TANK: variants seen among roughly 807,000 people sequenced by gnomAD.
The protein encoded by TANK is TRAF family member-associated NF-kappa-B activator.
TANK carries 15 observed loss-of-function variants against 43.6 expected under a neutral mutation model. The observed-to-expected ratio is 0.34, with a 90% confidence interval of 0.23 to 0.53. TANK has a LOEUF of 0.53. Ranked by LOEUF, TANK falls within the 20% of genes least tolerant of loss-of-function variation. The pLI is 0.94. For missense variants in TANK, 417 were observed against 498.6 expected (o/e 0.84, Z 1.56); for synonymous variants, 162 against 178.2 (o/e 0.91, Z 0.73).
intron 4 of TANK, among the ~76,000 whole-genome samples, chr2:161,206,231 G>A (rs1028515740): frequency 1.3e-5 from 2 of 151,964 alleles, no homozygotes; most frequent in Non-Finnish European, 2.9e-5. Flanking sequence ...TGTTCTCCAT[G>A]TTTTCATAAG....
upstream of TANK, chr2:161,160,094 A>C: frequency 4.0e-6 from 1 of 249,128 alleles, no homozygotes. Context: ...TAACTCATAT[A>C]TAGGGTGATG....
intron 1 of TANK, among the ~76,000 whole-genome samples, chr2:161,148,674 G>A (rs781752695): frequency 5.0e-4 from 76 of 152,064 alleles, no homozygotes; most frequent in Non-Finnish European, 8.2e-4. Flanking sequence ...GTAATTGATC[G>A]ATTGGGAGTT....
At chr2:161,230,049 T>A (rs1203134812) in intron 6 of TANK, among the ~76,000 whole-genome samples, 7 of 152,244 alleles carry the variant, frequency 4.6e-5, no homozygotes, top group African/African-American at 1.7e-4. Flanking sequence ...CTTTTAGCTC[T>A]TGTTGATATC....
intron 2 of TANK, chr2:161,201,043 T>G (rs1686384968): frequency 1.1e-6 from 1 of 940,934 alleles, no homozygotes; most frequent in Non-Finnish European, 1.3e-6. Flanking sequence ...AATCAGACAT[T>G]AGACAATTAG....
chr2:161,179,534 A>G (rs955013537), intron 1 of TANK, 80 bp from the exon 2 acceptor site: 6 of 1,287,256 alleles, frequency 4.7e-6, no homozygotes, highest in Middle Eastern at 1.9e-4. Context: ...TAAACCTTAT[A>G]GAACTATCTT....
At chr2:161,225,026 CA>C (rs1284368480) in intron 6 of TANK, among the ~76,000 whole-genome samples, 1 of 151,844 alleles carries the variant, frequency 6.6e-6, no homozygotes, top group Non-Finnish European at 1.5e-5. Context: ...TAAAAAAATA[CA>C]AAATAAATAC....
intron 2 of TANK, among the ~76,000 whole-genome samples, chr2:161,183,817 TAAATA>T (rs1685535963): frequency 6.6e-6 from 1 of 151,924 alleles, no homozygotes; most frequent in African/African-American, 2.4e-5. Flanking sequence ...AATACTGAAA[TAAATA>T]AAATATCATT....
intron 2 of TANK, among the ~76,000 whole-genome samples, chr2:161,198,730 C>A (rs767221059): frequency 1.3e-5 from 2 of 152,144 alleles, no homozygotes; most frequent in Non-Finnish European, 2.9e-5. Context: ...TTAATCAGGA[C>A]CGAAACACAG....
rs1040618977 is a variant in TANK at position 161,179,764 on chromosome 2, G to T, written c.99+3G>T. On this transcript the variant is annotated splice_donor_region_variant and intron_variant, in intron 2 of 7. Transcript: ENST00000392749. The stretch of plus-strand genomic sequence containing the variant: ...CAGTAAAAGAATTACAGCAAAAGGT[G>T]TGTGGTTCTGGTTTTGAAAGTTATT... The T allele has an allele frequency of 6.2e-7, 1 of 1,608,564 alleles. No homozygotes were observed. The highest frequency in any genetic ancestry group is 8.5e-7 in the Non-Finnish European group (1 of 1,176,780).
chr2:161,211,654 T>A, intron 4 of TANK: 1 of 380,820 alleles, frequency 2.6e-6, no homozygotes, highest in African/African-American at 2.2e-5. Flanking sequence ...TAAATGTAAT[T>A]GCATGTGTTT....
chr2:161,180,118 G>T, intron 2 of TANK: 2 of 998,452 alleles, frequency 2.0e-6, no homozygotes. Context: ...TTTGGTTTTG[G>T]TGTTTTTTAT....
intron 4 of TANK, chr2:161,219,678 A>C (rs1309179116): frequency 2.3e-6 from 1 of 428,814 alleles, no homozygotes; most frequent in Non-Finnish European, 4.6e-6. Context: ...TTTATACCTT[A>C]ATCTTTTTCT....
chr2:161,184,020 T>C (rs1240777928), intron 2 of TANK, among the ~76,000 whole-genome samples: 4 of 151,990 alleles, frequency 2.6e-5, no homozygotes, highest in African/African-American at 9.7e-5. Context: ...ATAAGCTCAA[T>C]GTGAGTCGAT....
At chr2:161,180,902 GTT>G (rs35730859) in intron 2 of TANK, among the ~76,000 whole-genome samples, 5 of 135,656 alleles carry the variant, frequency 3.7e-5, no homozygotes, top group Admixed American at 7.4e-5. Context: ...AGAGTTCAGG[GTT>G]TTTTTTTTTT....
chr2:161,186,396 A>G (rs1685666201), intron 2 of TANK, among the ~76,000 whole-genome samples: 1 of 151,874 alleles, frequency 6.6e-6, no homozygotes, highest in African/African-American at 2.4e-5. Context: ...TTCTTTGGAT[A>G]TTTTCATGGT....
intron 4 of TANK, chr2:161,207,363 G>C: frequency 1.0e-6 from 1 of 962,768 alleles, no homozygotes; most frequent in Non-Finnish European, 1.2e-6. Flanking sequence ...ATAGGGGAAA[G>C]GTTTATGTTT....
chr2:161,232,940 T>C, intron 7 of TANK: 1 of 1,361,836 alleles, frequency 7.3e-7, no homozygotes, highest in Non-Finnish European at 9.9e-7. Flanking sequence ...AAGAAATTAG[T>C]TTGTTTTGAA....
chr2:161,178,340 A>G lies in TANK; in HGVS notation c.-49-1274A>G, dbSNP rs112298585. 7.3e-3 allele frequency among the ~76,000 whole-genome samples: 1,108 copies of G among 152,250 alleles called. 3 individuals carry two copies. The highest frequency in any genetic ancestry group is 0.01 in the Non-Finnish European group (700 of 67,986). On this transcript the variant is annotated intron_variant, in intron 1 of 7. Transcript: ENST00000392749. ...ATTTAGCCATAAAAAGGAGTCAAGT[A>G]CTGTTACATGCTACATCATGGATGA...
intron 1 of TANK, among the ~76,000 whole-genome samples, chr2:161,137,592 A>G (rs888189729): frequency 6.6e-6 from 1 of 152,204 alleles, no homozygotes; most frequent in Non-Finnish European, 1.5e-5. Flanking sequence ...TACTAGGCTG[A>G]AAAGTAAATT....
Sources: gnomAD v4.1 joint callset for allele counts (sites outside exome capture counted in the v4.1 genomes callset) on GRCh38, gnomAD v4.1.1 for gene constraint, MANE v1.5 for transcripts, NCBI Gene and HGNC (gene_info 2026-07-23, HGNC 2026-07-21) for gene names.